PCDH11X: variants seen among roughly 807,000 people sequenced by gnomAD.
The protein encoded by PCDH11X is protocadherin 11 X-linked, also known as protocadherin-11 X-linked.
In PCDH11X, 18 loss-of-function variants were observed where a neutral mutation model predicts 53.3. That is an observed-to-expected ratio of 0.34 (90% CI 0.23 to 0.50). The LOEUF (loss-of-function observed/expected upper bound fraction) is 0.50. Among genes scored for constraint, PCDH11X ranks in the 20% least tolerant of loss-of-function variants. The pLI is 0.98. For synonymous variants in PCDH11X, 279 were observed against 393.3 expected (o/e 0.71, Z 3.44); for missense variants, 570 against 1,032.4 (o/e 0.55, Z 6.14).
intron 6 of PCDH11X, among the ~76,000 whole-genome samples, chrX:91,965,202 C>A (rs972817532): frequency 1.8e-5 from 2 of 109,264 alleles, no homozygotes; most frequent in African/African-American, 6.7e-5. Flanking sequence ...ATATAAAAGA[C>A]AATGCATGAG....
intron 6 of PCDH11X, among the ~76,000 whole-genome samples, chrX:91,918,370 G>C (rs1602492137): frequency 9.2e-6 from 1 of 108,317 alleles, no homozygotes; most frequent in East Asian, 3.0e-4. Flanking sequence ...CATTTACTGA[G>C]TAATATTACA....
At chrX:92,070,949 G>A (rs1234329622) in intron 6 of PCDH11X, among the ~76,000 whole-genome samples, 6 of 101,935 alleles carry the variant, frequency 5.9e-5, no homozygotes, top group Non-Finnish European at 1.2e-4. Context: ...AGAGGCACGC[G>A]CCACCACACG....
intron 10 of PCDH11X, among the ~76,000 whole-genome samples, chrX:92,612,557 T>C (rs1365035354): frequency 1.8e-5 from 2 of 109,352 alleles, no homozygotes; most frequent in Non-Finnish European, 3.8e-5. Context: ...ATTTTTTTAA[T>C]TTATTGAGAC....
intron 6 of PCDH11X, among the ~76,000 whole-genome samples, chrX:91,964,261 C>T (rs1452659831): frequency 9.3e-6 from 1 of 108,071 alleles, no homozygotes; most frequent in Non-Finnish European, 1.9e-5. Context: ...CAGTGCAATT[C>T]CTATCAAAAT....
intron 10 of PCDH11X, among the ~76,000 whole-genome samples, chrX:92,505,816 G>A (rs1254466887): frequency 9.1e-6 from 1 of 110,319 alleles, no homozygotes; most frequent in Non-Finnish European, 1.9e-5. Context: ...CTTTCTATGT[G>A]CTGTGTCATC....
chrX:91,999,561 G>GA (rs1355266743), intron 6 of PCDH11X, among the ~76,000 whole-genome samples: 1 of 110,417 alleles, frequency 9.1e-6, no homozygotes, highest in African/African-American at 3.3e-5. Flanking sequence ...AAACTTAGAA[G>GA]AAAAAATAAA....
rs2062357871 is a variant in PCDH11X, at chrX:91,993,360, A to C, written c.3033+114087A>C. On this transcript the variant is annotated intron_variant, in intron 6 of 10. Coordinates refer to ENST00000682573, the MANE Select transcript of PCDH11X (RefSeq NM_032968.5). ...TTAAAAGTAATTTTGAACATATATTACCTAGTGCTTTCAGCAGATGAACAG... is the reference window on the plus strand; with the variant it reads ...TTAAAAGTAATTTTGAACATATATTCCCTAGTGCTTTCAGCAGATGAACAG... Among the ~76,000 whole-genome samples the C allele has an allele frequency of 2.7e-5, 3 of 112,368 alleles. No individual in the cohort carries two copies. The Admixed American group carries it at 2.8e-4, about 11-fold the overall frequency.
At chrX:92,508,346 C>T (rs1017991214) in intron 10 of PCDH11X, among the ~76,000 whole-genome samples, 5 of 109,581 alleles carry the variant, frequency 4.6e-5, no homozygotes, top group Non-Finnish European at 7.6e-5. Context: ...CCTCAGTCTC[C>T]CAAGTGGCTG....
At chrX:92,309,593 A>G (rs1222601927) in intron 8 of PCDH11X, among the ~76,000 whole-genome samples, 5 of 112,113 alleles carry the variant, frequency 4.5e-5, no homozygotes, top group Non-Finnish European at 7.5e-5. Context: ...CAGTTTCACA[A>G]CAATGTGCAT....
At chrX:91,787,589 G>T (rs892955644) in intron 1 of PCDH11X, among the ~76,000 whole-genome samples, 1 of 111,066 alleles carries the variant, frequency 9.0e-6, no homozygotes, top group Non-Finnish European at 1.9e-5. Flanking sequence ...TTATTTCAAG[G>T]CCCTTTGCAA....
At chrX:92,453,486 T>A (rs1322779470) in intron 9 of PCDH11X, among the ~76,000 whole-genome samples, 1 of 111,146 alleles carries the variant, frequency 9.0e-6, no homozygotes, top group African/African-American at 3.3e-5. Flanking sequence ...GTTGTCTTTC[T>A]AATCAGTAGT....
At chrX:92,397,236 G>A (rs2148584239) in intron 9 of PCDH11X, among the ~76,000 whole-genome samples, 1 of 77,839 alleles carries the variant, frequency 1.3e-5, no homozygotes, top group Non-Finnish European at 2.4e-5. Flanking sequence ...CTTATCAATA[G>A]TGCATTGCAA....
At chrX:91,963,829 C>A (rs780195411) in intron 6 of PCDH11X, among the ~76,000 whole-genome samples, 1 of 110,348 alleles carries the variant, frequency 9.1e-6, no homozygotes, top group Non-Finnish European at 1.9e-5. Context: ...GAAGTAGAAG[C>A]GAACATGTCC....
chrX:91,935,288 A>G (rs1157532472), intron 6 of PCDH11X, among the ~76,000 whole-genome samples: 2 of 104,994 alleles, frequency 1.9e-5, no homozygotes, highest in African/African-American at 6.9e-5. Context: ...CAAATGTCTT[A>G]CTAGAGAAGA....
chrX:92,610,854 CT>C (rs1240570799), intron 10 of PCDH11X, among the ~76,000 whole-genome samples: 1 of 111,365 alleles, frequency 9.0e-6, no homozygotes, highest in Non-Finnish European at 1.9e-5. Context: ...AATAGAAAGT[CT>C]TTTCCCCACT....
intron 10 of PCDH11X, among the ~76,000 whole-genome samples, chrX:92,486,223 T>C (rs1446146139): frequency 9.0e-6 from 1 of 111,627 alleles, no homozygotes; most frequent in African/African-American, 3.3e-5. Context: ...TTTTACAATC[T>C]TATTTATGAA....
chrX:92,229,202 G>C (rs765095193), intron 7 of PCDH11X, among the ~76,000 whole-genome samples: 19 of 111,447 alleles, frequency 1.7e-4, no homozygotes, highest in African/African-American at 6.2e-4. Context: ...GGAGAAAATA[G>C]GGAGAATATT....
Position 92,548,568 on chromosome X carries a change from C to T in PCDH11X, c.3368-69696C>T, listed in dbSNP as rs185467250. The stretch of plus-strand genomic sequence containing the variant: ...AACCTATGATAACATGATGAACTTC[C>T]CAGAGTTAATTTCGGTTAACACTAG... On this transcript the variant is annotated intron_variant, in intron 10 of 10. Coordinates refer to ENST00000682573, the MANE Select transcript of PCDH11X (RefSeq NM_032968.5). Among the ~76,000 whole-genome samples the T allele has an allele frequency of 1.6e-3, 183 of 111,303 alleles. 2 individuals carry two copies. The highest frequency in any genetic ancestry group is 5.7e-3 in the African/African-American group (173 of 30,602).
chrX:92,601,771 C>T (rs1204696484), intron 10 of PCDH11X, among the ~76,000 whole-genome samples: 2 of 109,791 alleles, frequency 1.8e-5, no homozygotes, highest in Admixed American at 9.8e-5. Flanking sequence ...ATCCATATCT[C>T]GCCACACAAT....
Sources: gnomAD v4.1 joint callset for allele counts (sites outside exome capture counted in the v4.1 genomes callset) on GRCh38, gnomAD v4.1.1 for gene constraint, MANE v1.5 for transcripts, NCBI Gene and HGNC (gene_info 2026-07-23, HGNC 2026-07-21) for gene names.